Variants in WDR70 observed in about 807,000 individuals in gnomAD.
The protein encoded by WDR70 is WD repeat domain 70.
In WDR70, 53 loss-of-function variants were observed where a neutral mutation model predicts 88.6. The ratio of observed to expected loss-of-function variants is 0.60; its 90% CI spans 0.48 to 0.75. The LOEUF is 0.75. Among genes scored for constraint, WDR70 ranks in the 30% least tolerant of loss-of-function variants. The probability of loss-of-function intolerance (pLI) is 0.00; values close to 1 mark genes in which losing one functional copy is unlikely to be tolerated. For synonymous variants in WDR70, 280 were observed against 270.0 expected (o/e 1.04, Z -0.36); for missense variants, 610 against 823.2 (o/e 0.74, Z 3.17).
chr5:37,727,157 A>T (rs900228671), intron 17 of WDR70, 112 bp downstream of exon 17: 2 of 1,304,050 alleles, frequency 1.5e-6, no homozygotes, highest in South Asian at 1.5e-5. Context: ...TCATACTTAG[A>T]TATGAAAAAT....
At chr5:37,732,296 T>C (rs1392074638) in intron 17 of WDR70, among the ~76,000 whole-genome samples, 1 of 152,156 alleles carries the variant, frequency 6.6e-6, no homozygotes, top group African/African-American at 2.4e-5. Context: ...TTTTGTTTTT[T>C]ACTTAGTATA....
At chr5:37,686,867 T>C (rs569871265) in intron 10 of WDR70, among the ~76,000 whole-genome samples, 1 of 150,850 alleles carries the variant, frequency 6.6e-6, no homozygotes, top group African/African-American at 2.4e-5. Context: ...CAAATCATAG[T>C]GTAAGGCACA....
At chr5:37,693,619 T>G (rs1746884337) in intron 10 of WDR70, among the ~76,000 whole-genome samples, 1 of 152,212 alleles carries the variant, frequency 6.6e-6, no homozygotes, top group Non-Finnish European at 1.5e-5. Flanking sequence ...GATTCCCTAT[T>G]TAATAAATGG....
chr5:37,714,349 C>T (rs1377743581), intron 13 of WDR70, among the ~76,000 whole-genome samples: 2 of 152,102 alleles, frequency 1.3e-5, no homozygotes, highest in Non-Finnish European at 2.9e-5. Flanking sequence ...TGTAAAGGAG[C>T]CCAGGTCTGT....
chr5:37,418,275 G>A (rs1470894624), intron 5 of WDR70, among the ~76,000 whole-genome samples: 1 of 151,866 alleles, frequency 6.6e-6, no homozygotes, highest in African/African-American at 2.4e-5. Flanking sequence ...TTTATTTTAA[G>A]ATATTTTAGT....
intron 10 of WDR70, among the ~76,000 whole-genome samples, chr5:37,652,601 C>G (rs1194767075): frequency 6.6e-6 from 1 of 152,154 alleles, no homozygotes. Flanking sequence ...TTGTTTATGT[C>G]CTCTCTTATT....
chr5:37,724,888 G>A (rs7444391), intron 15 of WDR70, 46 bp from the exon 16 acceptor site: 1,529,794 of 1,534,128 alleles, frequency 1, 762,846 homozygotes, highest in East Asian at 1. Context: ...TTTTGGATGG[G>A]AAGGTTATTG....
At chr5:37,499,533 A>T (rs938798) in intron 8 of WDR70, among the ~76,000 whole-genome samples, 141,639 of 146,440 alleles carry the variant, frequency 0.97, 68,663 homozygotes, top group East Asian at 1. Context: ...TTTTTTTTTA[A>T]AAATATATAT....
intron 13 of WDR70, among the ~76,000 whole-genome samples, chr5:37,708,834 T>G (rs1158340588): frequency 6.6e-6 from 1 of 152,204 alleles, no homozygotes; most frequent in East Asian, 1.9e-4. Flanking sequence ...AATGTAGATA[T>G]AGCCGATCTG....
intron 8 of WDR70, among the ~76,000 whole-genome samples, chr5:37,486,346 A>ATT (rs34237067): frequency 5.7e-4 from 84 of 146,090 alleles, no homozygotes; most frequent in Middle Eastern, 3.4e-3. Context: ...TTCAAATATA[A>ATT]TTTTTTTTTT....
chr5:37,437,871 C>T, intron 5 of WDR70, 51 bp from the exon 6 acceptor site: 2 of 1,531,698 alleles, frequency 1.3e-6, no homozygotes, highest in Non-Finnish European at 8.9e-7. Context: ...TGTGTAGTTC[C>T]CCACAAATAT....
intron 5 of WDR70, among the ~76,000 whole-genome samples, chr5:37,414,783 T>TC (rs1491141364): frequency 6.7e-6 from 1 of 148,152 alleles, no homozygotes; most frequent in African/African-American, 2.7e-5. Context: ...TCACAATTAT[T>TC]CTTTTTTTTT....
chr5:37,460,870 A>G (rs2112102931), intron 7 of WDR70, among the ~76,000 whole-genome samples: 1 of 151,992 alleles, frequency 6.6e-6, no homozygotes, highest in East Asian at 1.9e-4. Context: ...ATAGTTTCTC[A>G]GTGTATGATG....
chr5:37,563,750 A>C, intron 9 of WDR70, among the ~76,000 whole-genome samples: 1 of 118,808 alleles, frequency 8.4e-6, no homozygotes, highest in African/African-American at 3.0e-5. Flanking sequence ...CCGGGCGGAG[A>C]TGCTCCTCAC....
intron 9 of WDR70, among the ~76,000 whole-genome samples, chr5:37,536,057 G>C (rs933485432): frequency 1.3e-5 from 2 of 152,132 alleles, no homozygotes; most frequent in African/African-American, 4.8e-5. Flanking sequence ...AATTTCCTTT[G>C]CATTGAATTT....
chr5:37,413,271 A>G (rs1414914075), intron 5 of WDR70, among the ~76,000 whole-genome samples: 2 of 152,220 alleles, frequency 1.3e-5, no homozygotes, highest in Non-Finnish European at 2.9e-5. Context: ...GAAGGAAAAA[A>G]AAGAATCTTT....
At chr5:37,528,900 TAG>T (rs1741391171) in intron 9 of WDR70, among the ~76,000 whole-genome samples, 1 of 122,688 alleles carries the variant, frequency 8.2e-6, no homozygotes. Flanking sequence ...AGCCAATGTC[TAG>T]AGGGGGTTTT....
At position 37,455,636 on chromosome 5, in the gene WDR70, CTTTT is replaced by C. The variant is rs59254502; in HGVS notation, c.686+12280_686+12283del. ...TTCTCTCGGGTCCAGTTCTCTTTAT[CTTTT>C]TTTTTTTTTTTTTTTGCCACAATTT... On this transcript the variant is annotated intron_variant, in intron 7 of 17. Transcript: ENST00000265107. Among the ~76,000 whole-genome samples the C allele has an allele frequency of 2.8e-4, 20 of 70,442 alleles. 1 individual carries two copies. The highest frequency in any genetic ancestry group is 1.9e-3 in the East Asian group (3 of 1,568). The allele number at this position is 70,442 out of a possible 152,430, so 46.2% of individuals were successfully genotyped here.
chr5:37,724,663 C>T (rs1360918970), intron 15 of WDR70: 6 of 343,582 alleles, frequency 1.7e-5, no homozygotes, highest in South Asian at 5.5e-5. Flanking sequence ...TAACTGCTAC[C>T]CATGGTTTGG....
Sources: allele counts gnomAD v4.1 joint callset (sites outside exome capture counted in the v4.1 genomes callset), GRCh38; gene constraint gnomAD v4.1.1; transcripts MANE v1.5; gene names NCBI Gene and HGNC (gene_info 2026-07-23, HGNC 2026-07-21).